Variants in C4orf51 observed in about 807,000 individuals in gnomAD.
C4orf51 encodes the protein chromosome 4 open reading frame 51.
A neutral mutation model predicts 25.2 loss-of-function variants in C4orf51; 25 were observed. The ratio of observed to expected loss-of-function variants is 0.99; its 90% CI spans 0.72 to 1.39. C4orf51 has a LOEUF of 1.39. Among genes scored for constraint, C4orf51 ranks in the 40% most tolerant of loss-of-function variants. C4orf51 has a pLI of 0.00. For synonymous variants in C4orf51, 100 were observed against 84.5 expected, an observed-to-expected ratio of 1.18 and a Z score of -1.01; for missense variants, 252 against 239.6, an observed-to-expected ratio of 1.05 and a Z score of -0.34.
intron 2 of C4orf51, among the ~76,000 whole-genome samples, chr4:145,718,412 A>G (rs1731535133): frequency 6.6e-6 from 1 of 152,268 alleles, no homozygotes; most frequent in Non-Finnish European, 1.5e-5. Flanking sequence ...TAAGAGGGCA[A>G]AATGCATATG....
At chr4:145,687,782 G>A (rs1729265442) in intron 1 of C4orf51, among the ~76,000 whole-genome samples, 1 of 152,114 alleles carries the variant, frequency 6.6e-6, no homozygotes. Context: ...GAAAGCCACA[G>A]GACAAATAGG....
downstream of C4orf51, among the ~76,000 whole-genome samples, chr4:145,737,499 G>A (rs1483536790): frequency 6.6e-6 from 1 of 152,134 alleles, no homozygotes; most frequent in Non-Finnish European, 1.5e-5. Flanking sequence ...ATTACCTTTT[G>A]GATTCATTTT....
chr4:145,706,361 G>A, intron 2 of C4orf51, among the ~76,000 whole-genome samples: 1 of 152,124 alleles, frequency 6.6e-6, no homozygotes, highest in South Asian at 2.1e-4. Context: ...GCCTTAGGTT[G>A]GCACCATCAA....
the C4orf51 span, among the ~76,000 whole-genome samples, chr4:145,784,355 T>C: frequency 6.6e-6 from 1 of 152,216 alleles, no homozygotes; most frequent in Non-Finnish European, 1.5e-5. Flanking sequence ...CACCGTTGGT[T>C]GGGTTTTCTA....
intron 2 of C4orf51, among the ~76,000 whole-genome samples, chr4:145,706,411 C>T (rs1267347845): frequency 6.6e-6 from 1 of 152,132 alleles, no homozygotes; most frequent in Non-Finnish European, 1.5e-5. Flanking sequence ...CTCTTGTGGT[C>T]TCAAGATAAC....
At chr4:145,778,627 C>T in the C4orf51 span, among the ~76,000 whole-genome samples, 1 of 152,058 alleles carries the variant, frequency 6.6e-6, no homozygotes, top group Non-Finnish European at 1.5e-5. Flanking sequence ...AAAAAAAAGA[C>T]AAAATTAATC....
intron 2 of C4orf51, among the ~76,000 whole-genome samples, chr4:145,714,063 G>A (rs530354722): frequency 3.8e-4 from 58 of 152,282 alleles, no homozygotes; most frequent in African/African-American, 1.3e-3. Context: ...GATTACAGGC[G>A]TGATCTACTG....
At chr4:145,739,884 T>G (rs1733000206) in intron 1 of C4orf51, among the ~76,000 whole-genome samples, 1 of 152,128 alleles carries the variant, frequency 6.6e-6, no homozygotes, top group Non-Finnish European at 1.5e-5. Flanking sequence ...CTCACTAGAT[T>G]TTGAGATATG....
intron 3 of C4orf51, among the ~76,000 whole-genome samples, 162 bp downstream of exon 3, chr4:145,727,131 G>A (rs1020233735): frequency 2.6e-5 from 4 of 152,024 alleles, no homozygotes; most frequent in African/African-American, 9.7e-5. Context: ...CTTTCTATTA[G>A]GTGATAGGAA....
At chr4:145,778,730 G>A in the C4orf51 span, among the ~76,000 whole-genome samples, 162 of 152,220 alleles carry the variant, frequency 1.1e-3, 5 homozygotes, top group South Asian at 0.032. Context: ...TTGTTTTTGT[G>A]TTCCCTGTAA....
intron 1 of C4orf51, among the ~76,000 whole-genome samples, chr4:145,684,278 C>T (rs536118974): frequency 6.6e-6 from 1 of 152,006 alleles, no homozygotes; most frequent in African/African-American, 2.4e-5. Context: ...GTCAGGAGAT[C>T]GAGACCAACC....
Position 145,729,839 on chromosome 4 carries a change from G to A in C4orf51, c.428-53G>A, listed in dbSNP as rs1560853368. 3.4e-6 allele frequency: 5 copies of A among 1,472,000 alleles called. No homozygotes were observed. In the South Asian group the frequency reaches 5.7e-5, roughly 17 times the overall value. The allele number at this position is 1,472,000 out of a possible 1,614,324, so 91.2% of individuals were successfully genotyped here. On this transcript the variant is annotated intron_variant, in intron 4 of 5. Transcript: ENST00000438731. The stretch of plus-strand genomic sequence containing the variant: ...GGGAATGTCAGGAAATTTCACTTAT[G>A]GTAGACTCTCTTTATCGCAAACACT...
chr4:145,786,401 A>C, the C4orf51 span, among the ~76,000 whole-genome samples: 1 of 152,252 alleles, frequency 6.6e-6, no homozygotes, highest in East Asian at 1.9e-4. Flanking sequence ...TATGACCTCA[A>C]TGCATAAATA....
the C4orf51 span, chr4:145,779,565 C>T: frequency 3.2e-6 from 5 of 1,585,878 alleles, no homozygotes; most frequent in East Asian, 2.3e-5. Flanking sequence ...AATACATTTT[C>T]TGTTAGTCAA....
At chr4:145,726,219 C>G (rs191236075) in intron 2 of C4orf51, among the ~76,000 whole-genome samples, 1 of 152,224 alleles carries the variant, frequency 6.6e-6, no homozygotes, top group Non-Finnish European at 1.5e-5. Flanking sequence ...TTCTGGAGAA[C>G]AGTGTGGTAT....
chr4:145,688,717 G>A (rs1050047475), intron 1 of C4orf51, among the ~76,000 whole-genome samples: 5 of 152,172 alleles, frequency 3.3e-5, no homozygotes, highest in Non-Finnish European at 7.3e-5. Flanking sequence ...TTATAGCAGT[G>A]TGAAAATGGA....
chr4:145,751,470 C>A (rs1194462621), intron 1 of C4orf51, among the ~76,000 whole-genome samples: 2 of 152,100 alleles, frequency 1.3e-5, no homozygotes, highest in Non-Finnish European at 2.9e-5. Context: ...TGTCTTCTTC[C>A]CTTACTTTCT....
downstream of C4orf51, among the ~76,000 whole-genome samples, chr4:145,733,901 ACC>A: frequency 6.6e-6 from 1 of 152,294 alleles, no homozygotes; most frequent in Non-Finnish European, 1.5e-5. Flanking sequence ...CGAGTCTAGT[ACC>A]TCATGATCCT....
chr4:145,722,912 CTGA>C (rs1731822659), intron 2 of C4orf51, among the ~76,000 whole-genome samples: 1 of 152,124 alleles, frequency 6.6e-6, no homozygotes. Context: ...AATCTAATGC[CTGA>C]TGATCTGTCA....
Sources: allele counts gnomAD v4.1 joint callset (sites outside exome capture counted in the v4.1 genomes callset), GRCh38; gene constraint gnomAD v4.1.1; transcripts MANE v1.5; gene names NCBI Gene and HGNC (gene_info 2026-07-23, HGNC 2026-07-21).